The following RBM17 variants were observed in gnomAD, a reference collection of about 807,000 sequenced individuals.
RBM17 encodes the protein splicing factor 45.
In RBM17, 7 loss-of-function variants were observed where a neutral mutation model predicts 53.2. The observed-to-expected ratio is 0.13, with a 90% CI of 0.07 to 0.25. The LOEUF (loss-of-function observed/expected upper bound fraction) is 0.25. Ranked by LOEUF, RBM17 falls within the 10% of genes least tolerant of loss-of-function variation. The pLI, the probability that RBM17 is intolerant of heterozygous loss-of-function variation, is 1.00. For missense variants in RBM17, 257 were observed against 496.7 expected (o/e 0.52, Z 4.59); for synonymous variants, 167 against 178.1 (o/e 0.94, Z 0.50).
chr10:6,110,778 T>C (rs1462463006), intron 7 of RBM17, among the ~76,000 whole-genome samples: 1 of 152,224 alleles, frequency 6.6e-6, no homozygotes, highest in African/African-American at 2.4e-5. Context: ...CTGCTGCCTG[T>C]AGCAGAAATG....
chr10:6,089,719 G>C lies in RBM17; in HGVS notation c.-19+526G>C, dbSNP rs1840452642. ...GCAGCCCTAACCCCGGCGTCGCCTC[G>C]GCTCGTGCAGTTTGAGCGGTGTTTC... On this transcript the variant is annotated intron_variant, in intron 1 of 11. Transcript: ENST00000379888. The surrounding 1 kb of genome is among the most constrained non-coding windows in gnomAD (Gnocchi z 5.6). 6.6e-6 allele frequency: 1 copy of C among 152,374 alleles called. No homozygotes were observed. The allele number at this position is 152,374 out of a possible 1,614,324, so 9.4% of individuals were successfully genotyped here. A position where few individuals can be genotyped will look rare whatever the true frequency, so the allele number is the denominator to read the frequency against.
At chr10:6,113,276 C>G (rs1473948617) in intron 8 of RBM17, 1 of 383,622 alleles carries the variant, frequency 2.6e-6, no homozygotes, top group East Asian at 4.9e-5. Context: ...ATGGTGGAGG[C>G]TCAAAACATC....
chr10:6,098,383 G>C (rs927331637), intron 2 of RBM17, among the ~76,000 whole-genome samples: 1 of 152,188 alleles, frequency 6.6e-6, no homozygotes, highest in African/African-American at 2.4e-5. Context: ...TTACCGATAA[G>C]ATGATGTCAT....
intron 10 of RBM17, 114 bp from the exon 11 acceptor site, chr10:6,115,125 T>C (rs370691228): frequency 1.2e-6 from 1 of 803,916 alleles, no homozygotes; most frequent in African/African-American, 1.8e-5. Flanking sequence ...TGACAACTAC[T>C]TGACTGTATA....
At chr10:6,103,565 G>A (rs1027280902) in intron 3 of RBM17, among the ~76,000 whole-genome samples, 1 of 152,122 alleles carries the variant, frequency 6.6e-6, no homozygotes, top group Admixed American at 6.5e-5. Flanking sequence ...TTTTTTAAAT[G>A]TCTTTTATAA....
Position 6,098,555 on chromosome 10 carries a change from GGTTTTTT to G in RBM17, c.123+1375_123+1381del, listed in dbSNP as rs1417501809. 5.1e-4 allele frequency among the ~76,000 whole-genome samples: 36 copies of G among 70,092 alleles called. 4 individuals are homozygous for G. Among genetic ancestry groups the G allele is most frequent in the Non-Finnish European group, 6.5e-4 (20 of 31,000 alleles). The allele number at this position is 70,092 out of a possible 152,430, so 46.0% of individuals were successfully genotyped here. ...TGTTTGAAAATTTCCGTAATACACAGGTTTTTTGTTTTTTTTTTTTTTTTTTTTTTTT... is the reference window on the plus strand; with the variant it reads ...TGTTTGAAAATTTCCGTAATACACAGGTTTTTTTTTTTTTTTTTTTTTTTT... On this transcript the variant is annotated intron_variant, in intron 2 of 11. Transcript: ENST00000379888.
chr10:6,093,620 G>A (rs1840522801), intron 1 of RBM17, among the ~76,000 whole-genome samples: 1 of 152,178 alleles, frequency 6.6e-6, no homozygotes, highest in Admixed American at 6.5e-5. Context: ...AGTTTAATGG[G>A]CATTTGGTTA....
chr10:6,103,603 TA>T (rs1178293549), intron 3 of RBM17, among the ~76,000 whole-genome samples: 1 of 152,218 alleles, frequency 6.6e-6, no homozygotes, highest in Non-Finnish European at 1.5e-5. Flanking sequence ...AACTAACCTT[TA>T]GGAGCCCTAC....
intron 4 of RBM17, 121 bp downstream of exon 4, chr10:6,105,218 C>G (rs774176327): frequency 1.1e-4 from 96 of 850,446 alleles, no homozygotes; most frequent in Admixed American, 1.6e-4. Flanking sequence ...TCTGAGCAGT[C>G]ACTACAAGGA....
At position 6,097,176 on chromosome 10, in the gene RBM17, C is replaced by T. The variant is rs1205340773; in HGVS notation, c.111C>T (p.Leu37=). Residue 37 remains leucine (L), a synonymous_variant, in exon 2 of 12, where the codon CTC becomes CTT. Coordinates refer to ENST00000379888, the MANE Select transcript of RBM17 (RefSeq NM_032905.5). ...AGCTTCAGGTGAAGAAGGCAGCTCTCACTCAGGCAAAGGTAAAGACAAGCC... is the reference window on the plus strand; with the variant it reads ...AGCTTCAGGTGAAGAAGGCAGCTCTTACTCAGGCAAAGGTAAAGACAAGCC... ...QSQLQVKKAA[L]TQAKSQRTKQ... The T allele has an allele frequency of 1.2e-5, 20 of 1,614,058 alleles. No individual in the cohort carries two copies. Among genetic ancestry groups the T allele is most frequent in the Non-Finnish European group, 1.6e-5 (19 of 1,179,954 alleles).
chr10:6,100,113 G>A (rs368695124), intron 2 of RBM17, among the ~76,000 whole-genome samples: 3 of 152,054 alleles, frequency 2.0e-5, no homozygotes, highest in Non-Finnish European at 2.9e-5. Flanking sequence ...GTAAACTTTC[G>A]TATTTACTTT....
intron 5 of RBM17, among the ~76,000 whole-genome samples, chr10:6,108,078 G>A (rs1456062077): frequency 6.6e-6 from 1 of 152,160 alleles, no homozygotes; most frequent in Non-Finnish European, 1.5e-5. Flanking sequence ...ACCAGGAATA[G>A]TGACAACACG....
chr10:6,098,056 A>ACTCAG (rs887452136), intron 2 of RBM17, among the ~76,000 whole-genome samples: 2 of 151,724 alleles, frequency 1.3e-5, no homozygotes, highest in South Asian at 2.1e-4. Context: ...CCTTGAAATA[A>ACTCAG]CATGTAAAAC....
intron 8 of RBM17, 185 bp from the exon 9 acceptor site, chr10:6,113,323 A>G (rs574806752): frequency 2.8e-4 from 140 of 493,224 alleles, no homozygotes; most frequent in Middle Eastern, 2.0e-3. Context: ...AGCAAAGCAG[A>G]GGCTTTTATT....
chr10:6,105,957 ACTTTT>A (rs1840742375), intron 4 of RBM17, among the ~76,000 whole-genome samples, 179 bp from the exon 5 acceptor site: 1 of 151,846 alleles, frequency 6.6e-6, no homozygotes, highest in Non-Finnish European at 1.5e-5. Context: ...AATTTTTCTC[ACTTTT>A]CATACTTTTA....
chr10:6,097,436 C>T (rs1417435426), intron 2 of RBM17, among the ~76,000 whole-genome samples: 3 of 152,196 alleles, frequency 2.0e-5, no homozygotes, highest in African/African-American at 4.8e-5. Context: ...CAGTGGCTCA[C>T]GCCTGTAATC....
At chr10:6,113,451 CATCTA>C in intron 8 of RBM17, 52 bp from the exon 9 acceptor site, 1 of 1,161,628 alleles carries the variant, frequency 8.6e-7, no homozygotes, top group Non-Finnish European at 1.3e-6. Context: ...TTCTGTAACA[CATCTA>C]ATGATATGCT....
At position 6,098,556 on chromosome 10, in the gene RBM17, G is replaced by GTTTTTTTTTTTTTTTTTTTTTTTTTTTT. The variant is rs1221504658; in HGVS notation, c.123+1374_123+1375insTTTTTTTTTTTTTTTTTTTTTTTTTTTT. Among the ~76,000 whole-genome samples, 6 of 87,982 alleles carry GTTTTTTTTTTTTTTTTTTTTTTTTTTTT rather than the reference G, an allele frequency of 6.8e-5. 1 individual carries two copies. Among genetic ancestry groups the GTTTTTTTTTTTTTTTTTTTTTTTTTTTT allele is most frequent in the Non-Finnish European group, 4.5e-5 (2 of 44,338 alleles). 57.7% of individuals were successfully genotyped at this position (87,982 alleles called of 152,430 possible). ...GTTTGAAAATTTCCGTAATACACAG[G>GTTTTTTTTTTTTTTTTTTTTTTTTTTTT]TTTTTTGTTTTTTTTTTTTTTTTTT... On this transcript the variant is annotated intron_variant, in intron 2 of 11. Coordinates refer to ENST00000379888, the MANE Select transcript of RBM17 (RefSeq NM_032905.5).
intron 1 of RBM17, among the ~76,000 whole-genome samples, chr10:6,091,259 A>G (rs146850358): frequency 0.039 from 5,894 of 151,970 alleles, 206 homozygotes; most frequent in East Asian, 0.18. Context: ...GGGTTTCACC[A>G]TGTTGGCCAG....
Sources: allele counts gnomAD v4.1 joint callset (sites outside exome capture counted in the v4.1 genomes callset), GRCh38; gene constraint gnomAD v4.1.1; non-coding constraint Gnocchi (gnomAD v3.1); transcripts MANE v1.5; gene names NCBI Gene and HGNC (gene_info 2026-07-23, HGNC 2026-07-21).